The following TMOD2 variants were observed in gnomAD, a reference collection of about 807,000 sequenced individuals.
TMOD2 encodes tropomodulin 2.
A neutral mutation model predicts 39.9 loss-of-function variants in TMOD2; 22 were observed. That is an observed-to-expected ratio of 0.55 (90% CI 0.39 to 0.79). The LOEUF (loss-of-function observed/expected upper bound fraction) is 0.79, where lower values mean the gene tolerates loss of function less well. Among genes scored for constraint, TMOD2 ranks in the 30% least tolerant of loss-of-function variants. The pLI is 0.00. For missense variants in TMOD2, 386 were observed against 413.3 expected (o/e 0.93, Z 0.57); for synonymous variants, 123 against 146.1 (o/e 0.84, Z 1.14).
At chr15:51,796,539 T>G (rs1211949216) in intron 7 of TMOD2, among the ~76,000 whole-genome samples, 1 of 152,176 alleles carries the variant, frequency 6.6e-6, no homozygotes, top group African/African-American at 2.4e-5. Flanking sequence ...GAGGTTTCAG[T>G]GGATACCTGA....
In TMOD2 at chr15:51,813,407, G is replaced by A. The variant is rs949405206; in HGVS notation, c.*4953G>A. Reference sequence around the variant, plus strand: ...TTGGGGGAGGATGAAGGAGAGAACTGATGACCTAGACATAGAAAAGAGTAG... The same window carrying A: ...TTGGGGGAGGATGAAGGAGAGAACTAATGACCTAGACATAGAAAAGAGTAG... On this transcript the variant is annotated 3_prime_UTR_variant, in exon 10 of 10. Transcript: ENST00000249700. 6.6e-6 allele frequency: 1 copy of A among 152,196 alleles called. No homozygotes were observed. Among genetic ancestry groups the A allele is most frequent in the African/African-American group, 2.4e-5 (1 of 41,428 alleles). 9.4% of individuals were successfully genotyped at this position (152,196 alleles called of 1,614,324 possible). A position where few individuals can be genotyped will look rare whatever the true frequency, so the allele number is the denominator to read the frequency against.
Position 51,806,443 on chromosome 15 carries a change from C to T in TMOD2, c.943C>T (p.Leu315Phe), listed in dbSNP as rs1595880700. 5 of 1,614,204 alleles carry T rather than the reference C, an allele frequency of 3.1e-6. No individual in the cohort carries two copies. The East Asian group carries it at 8.9e-5, about 29-fold the overall frequency. The change falls in exon 9 of 10, where the codon CTC (leucine) becomes TTC (phenylalanine). Residue 315 changes from leucine (L) to phenylalanine (F), a missense_variant. Coordinates refer to ENST00000249700, the MANE Select transcript of TMOD2 (RefSeq NM_014548.4). The stretch of plus-strand genomic sequence containing the variant: ...GATGCTGGAGGAGAATTCAAGGATC[C>T]TCAAGTTTGGATACCAGTTTACCAA... Reference protein sequence around the residue: ...AQMLEENSRILKFGYQFTKQG... With the variant: ...AQMLEENSRIFKFGYQFTKQG...
chr15:51,764,381 C>T (rs1422535746), intron 1 of TMOD2, among the ~76,000 whole-genome samples: 4 of 152,052 alleles, frequency 2.6e-5, no homozygotes, highest in African/African-American at 7.2e-5. Flanking sequence ...AAAGGGGTAT[C>T]GACACAGAAA....
chr15:51,766,875 ACTGAGTTTTTT>A (rs1157977624), intron 2 of TMOD2: 3 of 193,428 alleles, frequency 1.6e-5, no homozygotes, highest in Non-Finnish European at 3.2e-5. Flanking sequence ...AGCAAATCTT[ACTGAGTTTTTT>A]CTGAGTCATA....
At chr15:51,774,933 A>T (rs972569313) in intron 4 of TMOD2, among the ~76,000 whole-genome samples, 2 of 152,086 alleles carry the variant, frequency 1.3e-5, no homozygotes, top group Non-Finnish European at 2.9e-5. Context: ...CCTGAAATTC[A>T]TACAGTAAAA....
At chr15:51,774,455 A>G (rs1433281586) in intron 4 of TMOD2, among the ~76,000 whole-genome samples, 1 of 152,222 alleles carries the variant, frequency 6.6e-6, no homozygotes, top group Non-Finnish European at 1.5e-5. Flanking sequence ...TCTTCCTTCT[A>G]CATACACAGG....
rs1226096733 is a variant in TMOD2 at position 51,811,381 on chromosome 15, TC to T, written c.*2931del. ...TAACTGACTGAAGGGAGATAACTTC[TC>T]CCCAGGCCTATCTCCCTCCCCCTTT... On this transcript the variant is annotated 3_prime_UTR_variant, in exon 10 of 10. Coordinates refer to ENST00000249700, the MANE Select transcript of TMOD2 (RefSeq NM_014548.4). 2.0e-5 allele frequency: 3 copies of T among 152,202 alleles called. No individual in the cohort carries two copies. Among genetic ancestry groups the T allele is most frequent in the Non-Finnish European group, 4.4e-5 (3 of 68,042 alleles). 9.4% of individuals were successfully genotyped at this position (152,202 alleles called of 1,614,324 possible). A position where few individuals can be genotyped will look rare whatever the true frequency, so the allele number is the denominator to read the frequency against.
At chr15:51,784,896 C>G (rs2055957803) in intron 7 of TMOD2, 1 of 152,166 alleles carries the variant, frequency 6.6e-6, no homozygotes, top group Non-Finnish European at 1.5e-5. Context: ...ACAATCAACT[C>G]TCAACACTAC....
rs972411181 is a variant in TMOD2 at position 51,811,185 on chromosome 15, C to T, written c.*2731C>T. On this transcript the variant is annotated 3_prime_UTR_variant, in exon 10 of 10. Transcript: ENST00000249700. ...GGAGCCTATCCATCATTTAATTAGC[C>T]TAGGACTTCATCTCCCTCTCTGCCC... 1.3e-5 allele frequency: 2 copies of T among 152,164 alleles called. No homozygotes were observed. The highest frequency in any genetic ancestry group is 2.9e-5 in the Non-Finnish European group (2 of 68,046). The allele number at this position is 152,164 out of a possible 1,614,324, so 9.4% of individuals were successfully genotyped here.
chr15:51,768,458 C>T, intron 3 of TMOD2, 40 bp downstream of exon 3: 1 of 1,499,820 alleles, frequency 6.7e-7, no homozygotes, highest in East Asian at 2.5e-5. Context: ...CAGAGGTTCT[C>T]TCTTTTTTTT....
At position 51,812,805 on chromosome 15, in the gene TMOD2, T is replaced by G. The variant is rs1296657291; in HGVS notation, c.*4351T>G. 2.6e-5 allele frequency: 4 copies of G among 152,192 alleles called. No individual in the cohort carries two copies. Among genetic ancestry groups the G allele is most frequent in the African/African-American group, 9.7e-5 (4 of 41,428 alleles). The allele number at this position is 152,192 out of a possible 1,614,324, so 9.4% of individuals were successfully genotyped here. The stretch of plus-strand genomic sequence containing the variant: ...TCCACTAATGATGCAATAATAGCTG[T>G]TTTCATTTTAACGAGCAGAGAACTA... On this transcript the variant is annotated 3_prime_UTR_variant, in exon 10 of 10. Coordinates refer to ENST00000249700, the MANE Select transcript of TMOD2 (RefSeq NM_014548.4).
intron 7 of TMOD2, among the ~76,000 whole-genome samples, chr15:51,791,033 G>C (rs1228941357): frequency 6.6e-6 from 1 of 152,058 alleles, no homozygotes; most frequent in African/African-American, 2.4e-5. Context: ...AGCAATAAAG[G>C]GTATTCAAAT....
rs1698746830 is a variant in TMOD2 at position 51,814,803 on chromosome 15, A to G, written c.*6349A>G. The G allele has an allele frequency of 6.6e-6, 1 of 152,232 alleles. No individual in the cohort carries two copies. Among genetic ancestry groups the G allele is most frequent in the Non-Finnish European group, 1.5e-5 (1 of 68,054 alleles). 9.4% of individuals were successfully genotyped at this position (152,232 alleles called of 1,614,324 possible). A position where few individuals can be genotyped will look rare whatever the true frequency, so the allele number is the denominator to read the frequency against. ...TCTAAATCGTTTCCGTTGCCTCTGAACATGGGTGAGTAATGCCTCCACTGC... is the reference window on the plus strand; with the variant it reads ...TCTAAATCGTTTCCGTTGCCTCTGAGCATGGGTGAGTAATGCCTCCACTGC... On this transcript the variant is annotated 3_prime_UTR_variant, in exon 10 of 10. Transcript: ENST00000249700.
At chr15:51,800,611 C>G (rs2141640959) in intron 8 of TMOD2, among the ~76,000 whole-genome samples, 1 of 152,246 alleles carries the variant, frequency 6.6e-6, no homozygotes, top group Admixed American at 6.5e-5. Context: ...ATCACCCCTC[C>G]TCAGCCATCT....
At chr15:51,780,896 G>A in intron 5 of TMOD2, 148 bp from the exon 6 acceptor site, 1 of 634,708 alleles carries the variant, frequency 1.6e-6, no homozygotes, top group Non-Finnish European at 2.6e-6. Flanking sequence ...CCACTCCCAT[G>A]CTTGCTTAGC....
chr15:51,758,125 T>C (rs959501808), intron 1 of TMOD2, among the ~76,000 whole-genome samples: 2 of 151,898 alleles, frequency 1.3e-5, no homozygotes, highest in African/African-American at 4.8e-5. Context: ...TCCCCAAATC[T>C]TCAGATCAAA....
At chr15:51,774,990 C>A (rs1391171677) in intron 4 of TMOD2, among the ~76,000 whole-genome samples, 1 of 152,120 alleles carries the variant, frequency 6.6e-6, no homozygotes, top group Non-Finnish European at 1.5e-5. Context: ...CATCCTTACT[C>A]AGCTTCCCTC....
intron 7 of TMOD2, among the ~76,000 whole-genome samples, chr15:51,786,744 G>A (rs2055972866): frequency 6.6e-6 from 1 of 152,186 alleles, no homozygotes. Flanking sequence ...CCCACTGAAT[G>A]CCAATGAGAG....
chr15:51,810,184 A>T lies in TMOD2; in HGVS notation c.*1730A>T, dbSNP rs185936425. On this transcript the variant is annotated 3_prime_UTR_variant, in exon 10 of 10. Coordinates refer to ENST00000249700, the MANE Select transcript of TMOD2 (RefSeq NM_014548.4). ...CTTCCCTTTCACCCATTTAGGTGTGATGTGTTGGAGTCAACTTGTACAGGC... is the reference window on the plus strand; with the variant it reads ...CTTCCCTTTCACCCATTTAGGTGTGTTGTGTTGGAGTCAACTTGTACAGGC... The T allele has an allele frequency of 2.0e-4, 31 of 152,236 alleles. No individual in the cohort carries two copies. The highest frequency in any genetic ancestry group is 1.7e-3 in the East Asian group (9 of 5,184). The allele number at this position is 152,236 out of a possible 1,614,324, so 9.4% of individuals were successfully genotyped here. A position where few individuals can be genotyped will look rare whatever the true frequency, so the allele number is the denominator to read the frequency against.
Sources: gnomAD v4.1 joint callset for allele counts (sites outside exome capture counted in the v4.1 genomes callset) on GRCh38, gnomAD v4.1.1 for gene constraint, MANE v1.5 for transcripts, NCBI Gene and HGNC (gene_info 2026-07-23, HGNC 2026-07-21) for gene names.